Variants in NEBL observed in about 807,000 individuals in gnomAD.
NEBL encodes nebulette.
A neutral mutation model predicts 140.2 loss-of-function variants in NEBL; 122 were observed. That is an observed-to-expected ratio of 0.87 (90% confidence interval 0.75 to 1.01). The LOEUF (loss-of-function observed/expected upper bound fraction) is 1.01, where lower values mean the gene tolerates loss of function less well. Among genes scored for constraint, NEBL ranks in the 50% least tolerant of loss-of-function variants. NEBL has a pLI of 0.00. For synonymous variants in NEBL, 436 were observed against 398.9 expected (o/e 1.09, Z -1.11); for missense variants, 1,365 against 1,231.3 (o/e 1.11, Z -1.62).
chr10:21,019,451 A>C (rs1838691522), intron 3 of NEBL, among the ~76,000 whole-genome samples: 1 of 152,224 alleles, frequency 6.6e-6, no homozygotes, highest in African/African-American at 2.4e-5. Flanking sequence ...TCCGTGTCTT[A>C]CTATGGGGTG....
At chr10:20,912,521 A>T (rs1007488284) in intron 4 of NEBL, among the ~76,000 whole-genome samples, 2 of 152,182 alleles carry the variant, frequency 1.3e-5, no homozygotes, top group African/African-American at 4.8e-5. Flanking sequence ...TTCACATGTT[A>T]TCTGTTGCTT....
chr10:20,962,482 A>T (rs1836099471), intron 3 of NEBL, among the ~76,000 whole-genome samples: 1 of 152,218 alleles, frequency 6.6e-6, no homozygotes, highest in Non-Finnish European at 1.5e-5. Flanking sequence ...AGTAGCGAAG[A>T]TTTTTTTCAG....
intron 2 of NEBL, among the ~76,000 whole-genome samples, chr10:21,080,768 A>G (rs141372265): frequency 0.01 from 1,525 of 152,210 alleles, 16 homozygotes; most frequent in Non-Finnish European, 0.017. Flanking sequence ...ATGATTATAT[A>G]CCCTCCCAAC....
chr10:20,891,798 T>C (rs1011255496), intron 2 of NEBL, among the ~76,000 whole-genome samples: 1 of 152,184 alleles, frequency 6.6e-6, no homozygotes, highest in Admixed American at 6.5e-5. Context: ...TTGTACAATT[T>C]GTTAGAAGTC....
At chr10:20,951,266 A>T (rs1385482536) in intron 4 of NEBL, among the ~76,000 whole-genome samples, 2 of 152,184 alleles carry the variant, frequency 1.3e-5, no homozygotes, top group African/African-American at 4.8e-5. Flanking sequence ...GGTCCTTCAG[A>T]CAGAAATTTA....
intron 2 of NEBL, among the ~76,000 whole-genome samples, chr10:21,144,369 T>C (rs1360780056): frequency 6.6e-6 from 1 of 152,232 alleles, no homozygotes; most frequent in Non-Finnish European, 1.5e-5. Flanking sequence ...CAAATCGCCC[T>C]ACAAGGTAAC....
chr10:21,079,949 GA>G (rs1367504705), intron 2 of NEBL, among the ~76,000 whole-genome samples: 1 of 152,180 alleles, frequency 6.6e-6, no homozygotes, highest in African/African-American at 2.4e-5. Flanking sequence ...AATCCTCAGA[GA>G]GGGGCGGAGT....
At chr10:21,278,984 C>G (rs1205025078) in intron 1 of NEBL, among the ~76,000 whole-genome samples, 1 of 152,186 alleles carries the variant, frequency 6.6e-6, no homozygotes, top group African/African-American at 2.4e-5. Flanking sequence ...TTAGATAGTT[C>G]ATAGCCCCAG....
intron 2 of NEBL, among the ~76,000 whole-genome samples, chr10:21,045,226 T>C (rs1455780396): frequency 6.6e-6 from 1 of 152,190 alleles, no homozygotes; most frequent in African/African-American, 2.4e-5. Flanking sequence ...AGTAAATTAA[T>C]AGAATCAAAA....
At chr10:21,153,087 G>A (rs4747433) in intron 2 of NEBL, among the ~76,000 whole-genome samples, 40 of 152,246 alleles carry the variant, frequency 2.6e-4, no homozygotes, top group Admixed American at 1.2e-3. Context: ...TGCAATGACC[G>A]TGAAAATAGG....
chr10:21,028,353 T>C (rs989386217), intron 2 of NEBL, among the ~76,000 whole-genome samples: 2 of 151,946 alleles, frequency 1.3e-5, no homozygotes, highest in African/African-American at 2.4e-5. Context: ...AAGCTACTTA[T>C]TATAAAGAAT....
intron 16 of NEBL, 64 bp downstream of exon 16, chr10:20,831,132 T>C: frequency 8.7e-7 from 1 of 1,145,518 alleles, no homozygotes; most frequent in Admixed American, 1.7e-5. Context: ...CATAGAGACA[T>C]ACAAAGCACA....
intron 2 of NEBL, among the ~76,000 whole-genome samples, chr10:21,051,995 G>A (rs1400641282): frequency 6.6e-6 from 1 of 152,032 alleles, no homozygotes; most frequent in African/African-American, 2.4e-5. Flanking sequence ...AACACAGCAA[G>A]GCCAAAAGGA....
At chr10:21,259,299 G>A (rs1842706095) in intron 1 of NEBL, among the ~76,000 whole-genome samples, 2 of 152,066 alleles carry the variant, frequency 1.3e-5, no homozygotes, top group Non-Finnish European at 2.9e-5. Context: ...CATTGGCCAG[G>A]CTAGGAAACA....
chr10:21,199,446 A>G (rs1589325925), intron 3 of NEBL, among the ~76,000 whole-genome samples: 1 of 152,324 alleles, frequency 6.6e-6, no homozygotes, highest in Non-Finnish European at 1.5e-5. Context: ...CCAATTGCAT[A>G]TTAGGATCTT....
chr10:20,911,714 A>C (rs942729069), intron 4 of NEBL, among the ~76,000 whole-genome samples: 2 of 152,234 alleles, frequency 1.3e-5, no homozygotes, highest in African/African-American at 4.8e-5. Context: ...TCAGTGATGT[A>C]GCTATCCTTA....
chr10:21,048,787 G>C (rs613306), intron 2 of NEBL, among the ~76,000 whole-genome samples: 74,451 of 152,044 alleles, frequency 0.49, 20,486 homozygotes, highest in Non-Finnish European at 0.61. Context: ...CCTTAGGTCA[G>C]GAGTACGAGA....
chr10:21,243,703 A>G (rs935623058), intron 3 of NEBL, among the ~76,000 whole-genome samples: 24 of 152,158 alleles, frequency 1.6e-4, no homozygotes, highest in Non-Finnish European at 3.1e-4. Flanking sequence ...CTTTATCCCC[A>G]TGAGGTAGGG....
chr10:20,924,458 T>A (rs987322797), intron 4 of NEBL, among the ~76,000 whole-genome samples: 1 of 146,508 alleles, frequency 6.8e-6, no homozygotes, highest in African/African-American at 2.5e-5. Context: ...TTTCCTTTGC[T>A]TTGCACTTCG....
Sources: gnomAD v4.1 joint callset for allele counts (sites outside exome capture counted in the v4.1 genomes callset) on GRCh38, gnomAD v4.1.1 for gene constraint, MANE v1.5 for transcripts, NCBI Gene and HGNC (gene_info 2026-07-23, HGNC 2026-07-21) for gene names.